SCFD2: variants seen among roughly 807,000 people sequenced by gnomAD.
The protein encoded by SCFD2 is sec1 family domain containing 2.
SCFD2 carries 54 observed loss-of-function variants against 58.9 expected under a neutral mutation model. The observed-to-expected ratio is 0.92, with a 90% CI of 0.74 to 1.15. SCFD2 has a LOEUF of 1.15. SCFD2 is among the 50% of genes most tolerant of loss of function. SCFD2 has a pLI of 0.00. For synonymous variants in SCFD2, 321 were observed against 335.9 expected, an observed-to-expected ratio of 0.96 and a Z score of 0.49; for missense variants, 805 against 836.6, an observed-to-expected ratio of 0.96 and a Z score of 0.47.
chr4:53,061,911 TC>T, intron 5 of SCFD2, among the ~76,000 whole-genome samples: 1 of 152,212 alleles, frequency 6.6e-6, no homozygotes, highest in South Asian at 2.1e-4. Context: ...AAGTGATTTT[TC>T]CCAAGTCCAC....
chr4:53,049,825 C>T (rs931637859), intron 5 of SCFD2, among the ~76,000 whole-genome samples: 2 of 152,088 alleles, frequency 1.3e-5, no homozygotes, highest in Non-Finnish European at 2.9e-5. Context: ...ACAAAATGCT[C>T]TCTCTCAGTG....
At chr4:53,028,083 C>G (rs1239942112) in intron 5 of SCFD2, among the ~76,000 whole-genome samples, 1 of 151,776 alleles carries the variant, frequency 6.6e-6, no homozygotes, top group Non-Finnish European at 1.5e-5. Context: ...CTTGTCTCTA[C>G]TAAAAATACA....
intron 4 of SCFD2, among the ~76,000 whole-genome samples, chr4:53,255,197 T>A (rs985989657): frequency 1.4e-5 from 2 of 140,680 alleles, no homozygotes; most frequent in African/African-American, 5.2e-5. Context: ...TTTTTTTCTT[T>A]TTTATTTATT....
intron 5 of SCFD2, among the ~76,000 whole-genome samples, chr4:53,064,032 TA>T (rs1723588549): frequency 6.6e-6 from 1 of 152,092 alleles, no homozygotes; most frequent in Non-Finnish European, 1.5e-5. Flanking sequence ...AAAATATCAG[TA>T]TTATCTCAGA....
chr4:52,974,877 C>G (rs1431230399), intron 5 of SCFD2, among the ~76,000 whole-genome samples: 29 of 149,662 alleles, frequency 1.9e-4, no homozygotes, highest in Admixed American at 4.0e-4. Flanking sequence ...ATATCTACAA[C>G]CATCTGATCT....
chr4:53,246,276 A>G (rs984331400), intron 4 of SCFD2, among the ~76,000 whole-genome samples: 3 of 152,246 alleles, frequency 2.0e-5, no homozygotes, highest in Non-Finnish European at 4.4e-5. Context: ...TGCCCAAAGC[A>G]ATGTACAGAT....
chr4:53,067,782 A>G (rs1723705634), intron 5 of SCFD2, among the ~76,000 whole-genome samples: 1 of 152,078 alleles, frequency 6.6e-6, no homozygotes, highest in Non-Finnish European at 1.5e-5. Context: ...TAGCAGCATG[A>G]GAACAGACTA....
intron 2 of SCFD2, among the ~76,000 whole-genome samples, chr4:53,322,355 A>G (rs1560446218): frequency 6.6e-6 from 1 of 152,160 alleles, no homozygotes; most frequent in African/African-American, 2.4e-5. Flanking sequence ...TCCCACCAGC[A>G]CCATGACAGT....
chr4:53,155,348 A>G (rs1327041453), intron 4 of SCFD2, among the ~76,000 whole-genome samples: 1 of 152,196 alleles, frequency 6.6e-6, no homozygotes, highest in African/African-American at 2.4e-5. Flanking sequence ...TAAAGCAGCA[A>G]ATTCAGCCCT....
Position 52,936,909 on chromosome 4 carries a change from G to C in SCFD2, c.1562-16039C>G, listed in dbSNP as rs149600950. Among the ~76,000 whole-genome samples, 453 of 152,334 alleles carry C rather than the reference G, an allele frequency of 3.0e-3. 4 individuals are homozygous for C. Among genetic ancestry groups the C allele is most frequent in the South Asian group, 0.015 (73 of 4,824 alleles). On this transcript the variant is annotated intron_variant, in intron 5 of 8. Coordinates refer to ENST00000401642, the MANE Select transcript of SCFD2 (RefSeq NM_152540.4). ...CTCATGTATTTATTAGCTGTAAGCT[G>C]ATCTTCCTTTCTTTCAATAAATATT...
intron 4 of SCFD2, among the ~76,000 whole-genome samples, chr4:53,258,502 T>C (rs193138305): frequency 6.7e-6 from 1 of 149,484 alleles, no homozygotes; most frequent in African/African-American, 2.5e-5. Flanking sequence ...TTATTTTGTT[T>C]CTTTTTATGG....
At chr4:53,333,745 C>G (rs1484646592) in intron 2 of SCFD2, among the ~76,000 whole-genome samples, 2 of 122,722 alleles carry the variant, frequency 1.6e-5, no homozygotes, top group Non-Finnish European at 3.5e-5. Context: ...CCAAAATTGA[C>G]AAATGGGATC....
Position 52,939,736 on chromosome 4 carries a change from G to GA in SCFD2, c.1562-18867dup, listed in dbSNP as rs34583625. On this transcript the variant is annotated intron_variant, in intron 5 of 8. Coordinates refer to ENST00000401642, the MANE Select transcript of SCFD2 (RefSeq NM_152540.4). ...CAAAGGAATGGAAGAAAGAAAAAAT[G>GA]AAAAAAAAAAAGCAGAGAAAGGAAA... 3.0e-3 allele frequency among the ~76,000 whole-genome samples: 412 copies of GA among 136,882 alleles called. 1 individual carries two copies. Among genetic ancestry groups the GA allele is most frequent in the African/African-American group, 5.9e-3 (220 of 37,436 alleles). 89.8% of individuals were successfully genotyped at this position (136,882 alleles called of 152,430 possible). A position where few individuals can be genotyped will look rare whatever the true frequency, so the allele number is the denominator to read the frequency against.
chr4:53,263,626 T>G (rs1483709639), intron 4 of SCFD2, among the ~76,000 whole-genome samples: 1 of 152,226 alleles, frequency 6.6e-6, no homozygotes, highest in African/African-American at 2.4e-5. Flanking sequence ...CGGCCATGGA[T>G]ACCAGCACCT....
intron 4 of SCFD2, among the ~76,000 whole-genome samples, chr4:53,225,939 T>A (rs1056989193): frequency 6.6e-6 from 1 of 152,196 alleles, no homozygotes; most frequent in Non-Finnish European, 1.5e-5. Context: ...TCCGGTAGTT[T>A]ACTTGTTATT....
chr4:53,290,624 A>C (rs192911039), intron 3 of SCFD2, among the ~76,000 whole-genome samples: 3 of 152,178 alleles, frequency 2.0e-5, no homozygotes, highest in Admixed American at 1.3e-4. Flanking sequence ...ACCAGAATAC[A>C]AATAAATACA....
intron 8 of SCFD2, among the ~76,000 whole-genome samples, chr4:52,880,975 C>A (rs965684256): frequency 6.6e-6 from 1 of 152,234 alleles, no homozygotes; most frequent in African/African-American, 2.4e-5. Context: ...GCAGGAGAAA[C>A]CTGGAATCTC....
At chr4:53,141,075 G>C (rs1726122003) in intron 5 of SCFD2, among the ~76,000 whole-genome samples, 1 of 151,994 alleles carries the variant, frequency 6.6e-6, no homozygotes, top group Non-Finnish European at 1.5e-5. Context: ...AATCCTAAAA[G>C]TATAATTCTG....
intron 4 of SCFD2, among the ~76,000 whole-genome samples, chr4:53,247,371 T>C (rs546073013): frequency 6.6e-6 from 1 of 152,316 alleles, no homozygotes; most frequent in Non-Finnish European, 1.5e-5. Flanking sequence ...CCATTCGACC[T>C]AGGAATCCCA....
Sources: gnomAD v4.1 joint callset for allele counts (sites outside exome capture counted in the v4.1 genomes callset) on GRCh38, gnomAD v4.1.1 for gene constraint, MANE v1.5 for transcripts, NCBI Gene and HGNC (gene_info 2026-07-23, HGNC 2026-07-21) for gene names.